DYSF: variants seen among roughly 807,000 people sequenced by gnomAD.
The protein encoded by DYSF is dysferlin.
Under a neutral mutation model 274.9 loss-of-function variants are expected in DYSF, and 212 were observed. The ratio of observed to expected loss-of-function variants is 0.77; its 90% confidence interval spans 0.69 to 0.86. The LOEUF (loss-of-function observed/expected upper bound fraction) is 0.86, where lower values mean the gene tolerates loss of function less well. DYSF is among the 40% of genes least tolerant of loss of function. The probability of loss-of-function intolerance (pLI) is 0.00; values close to 1 mark genes in which losing one functional copy is unlikely to be tolerated. For missense variants in DYSF, 2,666 were observed against 2,783.2 expected (o/e 0.96, Z 0.95); for synonymous variants, 1,091 against 1,078.7 (o/e 1.01, Z -0.22).
At chr2:71,640,612 TC>T (rs2094471262) in intron 41 of DYSF, among the ~76,000 whole-genome samples, 1 of 152,212 alleles carries the variant, frequency 6.6e-6, no homozygotes, top group South Asian at 2.1e-4. Context: ...CTCTCCTGAC[TC>T]ACTGATGCTG....
chr2:71,457,043 C>G (rs2081095718), intron 1 of DYSF, among the ~76,000 whole-genome samples: 1 of 152,112 alleles, frequency 6.6e-6, no homozygotes, highest in African/African-American at 2.4e-5. Flanking sequence ...TCCTCACAAA[C>G]AGAGGGAATG....
chr2:71,658,295 T>C (rs1187452366), intron 43 of DYSF, among the ~76,000 whole-genome samples: 1 of 152,224 alleles, frequency 6.6e-6, no homozygotes, highest in Non-Finnish European at 1.5e-5. Context: ...ATTGTCCATA[T>C]TGCTATCAGC....
rs1434655722 is a variant in DYSF, at chr2:71,598,631, C to A, written c.3642C>A (p.Asn1214Lys). 6 of 1,614,214 alleles carry A rather than the reference C, an allele frequency of 3.7e-6. No individual in the cohort carries two copies. The highest frequency in any genetic ancestry group is 1.6e-4 in the Middle Eastern group (1 of 6,062). ...CGGTGGTGGTGAAGAACACCCTTAACCCCACCTGGGACCAGACGCTCATCT... is the reference window on the plus strand; with the variant it reads ...CGGTGGTGGTGAAGAACACCCTTAAACCCACCTGGGACCAGACGCTCATCT... ...QKTVVVKNTL[N>K]PTWDQTLIFY... The change falls in exon 33 of 56, where the codon AAC becomes AAA. Residue 1214 changes from asparagine (N) to lysine (K), a missense_variant. By Grantham distance (94) the Asn-to-Lys change is moderately conservative. Coordinates refer to ENST00000410020, the MANE Select transcript of DYSF (RefSeq NM_001130987.2).
At chr2:71,618,444 G>T (rs2093987021) in intron 40 of DYSF, among the ~76,000 whole-genome samples, 1 of 135,128 alleles carries the variant, frequency 7.4e-6, no homozygotes, top group Non-Finnish European at 1.6e-5. Flanking sequence ...GGTGTGTGTG[G>T]TAGAGGTGGG....
Position 71,513,938 on chromosome 2 carries a change from C to A in DYSF, c.759+17C>A, listed in dbSNP as rs1408917456. 4 of 1,613,986 alleles carry A rather than the reference C, an allele frequency of 2.5e-6. No individual in the cohort carries two copies. Among genetic ancestry groups the A allele is most frequent in the African/African-American group, 2.7e-5 (2 of 74,924 alleles). On this transcript the variant is annotated intron_variant, in intron 7 of 55. Coordinates refer to ENST00000410020, the MANE Select transcript of DYSF (RefSeq NM_001130987.2). ...GATTTCCAGGTGATGAACGGGCTTT[C>A]TCTGACCCCAGGCTCCTCTTCAGCC...
At chr2:71,555,696 C>G (rs1258635039) in intron 21 of DYSF, among the ~76,000 whole-genome samples, 1 of 152,084 alleles carries the variant, frequency 6.6e-6, no homozygotes, top group Non-Finnish European at 1.5e-5. Context: ...CAAGTTCTGC[C>G]CAAGTCTGCA....
Position 71,503,330 on chromosome 2 carries a change from A to G in DYSF, c.345+11A>G. 1.9e-6 allele frequency: 3 copies of G among 1,613,810 alleles called. No individual in the cohort carries two copies. Among genetic ancestry groups the G allele is most frequent in the Admixed American group, 3.3e-5 (2 of 60,018 alleles). On this transcript the variant is annotated intron_variant, in intron 4 of 55. Transcript: ENST00000410020. ...AAGCAGCCCACAGGGGTAAGTGCCC[A>G]TCAGCCTCTGCCAGGTTAAGGTCCA...
At chr2:71,674,051 T>C (rs2095176127) in intron 51 of DYSF, 146 bp from the exon 52 acceptor site, 2 of 733,300 alleles carry the variant, frequency 2.7e-6, no homozygotes, top group Non-Finnish European at 2.4e-6. Flanking sequence ...TCCTTCCCAG[T>C]CTTCCCACAG....
intron 17 of DYSF, 31 bp from the exon 18 acceptor site, chr2:71,551,010 G>T: frequency 6.2e-7 from 1 of 1,601,374 alleles, no homozygotes; most frequent in Non-Finnish European, 8.6e-7. Context: ...CCACTGGGCC[G>T]ACCCCTCTGA....
chr2:71,455,888 A>G (rs968843498), intron 1 of DYSF, among the ~76,000 whole-genome samples: 2 of 151,932 alleles, frequency 1.3e-5, no homozygotes, highest in Non-Finnish European at 2.9e-5. Flanking sequence ...TACACTCAAT[A>G]CACTAGGCTT....
At chr2:71,529,109 A>C (rs958416231) in intron 14 of DYSF, among the ~76,000 whole-genome samples, 1 of 152,150 alleles carries the variant, frequency 6.6e-6, no homozygotes, top group Non-Finnish European at 1.5e-5. Context: ...CCCTGGAGGG[A>C]GTCATTTTCT....
At chr2:71,523,672 G>A (rs1176859755) in intron 12 of DYSF, among the ~76,000 whole-genome samples, 2 of 151,366 alleles carry the variant, frequency 1.3e-5, no homozygotes, top group Non-Finnish European at 2.9e-5. Flanking sequence ...TCAGCCTCCT[G>A]AGTAGCTGGG....
At chr2:71,655,634 T>C (rs1444838776) in intron 42 of DYSF, among the ~76,000 whole-genome samples, 1 of 152,248 alleles carries the variant, frequency 6.6e-6, no homozygotes, top group Non-Finnish European at 1.5e-5. Context: ...TACACTTGGA[T>C]TGATATTTGA....
chr2:71,661,575 T>C (rs1364496489), intron 45 of DYSF, among the ~76,000 whole-genome samples: 1 of 152,136 alleles, frequency 6.6e-6, no homozygotes, highest in Non-Finnish European at 1.5e-5. Flanking sequence ...ATTCCTGAAA[T>C]CTGAGAACAA....
Position 71,513,722 on chromosome 2 carries a change from G to A in DYSF, c.560G>A (p.Gly187Glu), listed in dbSNP as rs2086347507. Residue 187 changes from glycine (G) to glutamate (E), a missense_variant, in exon 7 of 56, where the codon GGA (glycine) becomes GAA (glutamate). Transcript: ENST00000410020. ...TAGGGCCCTCTCCTCTTAGACACAGGAGGAGAGGAAGACACAGAGGACCAG... is the reference window on the plus strand; with the variant it reads ...TAGGGCCCTCTCCTCTTAGACACAGAAGGAGAGGAAGACACAGAGGACCAG... The part of the protein sequence containing the change: ...GKKWPAPTDT[G>E]GEEDTEDQGL... 1 of 1,613,962 alleles carries A rather than the reference G, an allele frequency of 6.2e-7. No homozygotes were observed. The highest frequency in any genetic ancestry group is 1.1e-5 in the South Asian group (1 of 91,078).
intron 30 of DYSF, chr2:71,577,198 ACACACACT>A (rs2092728793): frequency 6.5e-6 from 1 of 153,398 alleles, no homozygotes; most frequent in South Asian, 2.1e-4. Context: ...TACCTGAGTG[ACACACACT>A]CACACACTGT....
At chr2:71,501,987 T>C (rs569485332) in intron 3 of DYSF, among the ~76,000 whole-genome samples, 1 of 152,108 alleles carries the variant, frequency 6.6e-6, no homozygotes, top group Middle Eastern at 3.2e-3. Context: ...TTTCCCACAG[T>C]GGCTGCACCG....
At chr2:71,683,875 G>A (rs2095325958) in intron 55 of DYSF, among the ~76,000 whole-genome samples, 1 of 152,256 alleles carries the variant, frequency 6.6e-6, no homozygotes. Flanking sequence ...CATGTCTGCA[G>A]AATGCATCTC....
At chr2:71,573,047 C>G (rs1232108727) in intron 29 of DYSF, among the ~76,000 whole-genome samples, 1 of 152,206 alleles carries the variant, frequency 6.6e-6, no homozygotes, top group Non-Finnish European at 1.5e-5. Context: ...CTGTCCTGGA[C>G]CTTCTTGGTC....
Sources: allele counts gnomAD v4.1 joint callset (sites outside exome capture counted in the v4.1 genomes callset), GRCh38; gene constraint gnomAD v4.1.1; transcripts MANE v1.5; gene names NCBI Gene and HGNC (gene_info 2026-07-23, HGNC 2026-07-21).